The following STIM1 variants were observed in gnomAD, a reference collection of about 807,000 sequenced individuals.
STIM1 encodes the protein stromal interaction molecule 1.
In STIM1, 25 loss-of-function variants were observed where a neutral mutation model predicts 74.7. The observed-to-expected ratio is 0.33, with a 90% CI of 0.24 to 0.47. The LOEUF (loss-of-function observed/expected upper bound fraction) is 0.47. Among genes scored for constraint, STIM1 ranks in the 20% least tolerant of loss-of-function variants. STIM1 has a pLI of 1.00. For missense variants in STIM1, 728 were observed against 920.8 expected (o/e 0.79, Z 2.71); for synonymous variants, 328 against 348.8 (o/e 0.94, Z 0.66).
At chr11:3,970,494 G>T (rs187148151) in intron 2 of STIM1, among the ~76,000 whole-genome samples, 80 of 152,002 alleles carry the variant, frequency 5.3e-4, no homozygotes, top group African/African-American at 1.9e-3. Flanking sequence ...TGTAATGGAT[G>T]GTGGGGTACC....
intron 1 of STIM1, among the ~76,000 whole-genome samples, chr11:3,862,355 G>A (rs1358119230): frequency 1.3e-5 from 2 of 152,146 alleles, no homozygotes; most frequent in Admixed American, 6.6e-5. Flanking sequence ...ATGGACAGGT[G>A]TACTATGGAG....
chr11:3,972,787 T>C (rs2093409148), intron 2 of STIM1: 1 of 452,064 alleles, frequency 2.2e-6, no homozygotes, highest in Non-Finnish European at 4.4e-6. Context: ...CTGCTAAGTA[T>C]TTTTCTGGCA....
chr11:4,063,503 T>C (rs2094345541), intron 5 of STIM1, among the ~76,000 whole-genome samples: 3 of 152,250 alleles, frequency 2.0e-5, no homozygotes. Context: ...ACGCACACTG[T>C]ATTTTTAGAC....
intron 2 of STIM1, among the ~76,000 whole-genome samples, chr11:3,997,820 G>T (rs1222360159): frequency 6.6e-6 from 1 of 152,202 alleles, no homozygotes; most frequent in East Asian, 1.9e-4. Context: ...AAGTTGTAAA[G>T]TTTTGATTTT....
At chr11:4,086,877 C>A (rs1461052406) in intron 12 of STIM1, 5 of 1,523,408 alleles carry the variant, frequency 3.3e-6, no homozygotes, top group Non-Finnish European at 4.4e-6. Flanking sequence ...AGCTGTCTCT[C>A]TTTTCTTTCT....
At chr11:3,973,173 C>G in intron 2 of STIM1, 2 of 424,966 alleles carry the variant, frequency 4.7e-6, no homozygotes, top group South Asian at 3.6e-5. Flanking sequence ...TTATAGCCAT[C>G]CCTGTTGCTA....
intron 2 of STIM1, among the ~76,000 whole-genome samples, chr11:3,976,167 T>C (rs2093446529): frequency 6.6e-6 from 1 of 152,062 alleles, no homozygotes; most frequent in South Asian, 2.1e-4. Context: ...TGAACACCTG[T>C]GGGGAAAAGC....
intron 1 of STIM1, among the ~76,000 whole-genome samples, chr11:3,874,580 C>T (rs1230121853): frequency 4.6e-5 from 7 of 152,356 alleles, no homozygotes; most frequent in Non-Finnish European, 1.0e-4. Flanking sequence ...ATTTCATGTC[C>T]TCTTATCCTT....
chr11:3,879,966 C>G (rs1251434159), intron 1 of STIM1, among the ~76,000 whole-genome samples: 3 of 152,136 alleles, frequency 2.0e-5, no homozygotes, highest in African/African-American at 7.2e-5. Context: ...TAATGTTGAA[C>G]TAAGAAGCAT....
At chr11:4,049,704 C>G (rs528734423) in intron 3 of STIM1, 123 of 144,282 alleles carry the variant, frequency 8.5e-4, no homozygotes, top group Non-Finnish European at 1.2e-3. Context: ...TATACACAAC[C>G]CCCCTGCCCA....
intron 1 of STIM1, among the ~76,000 whole-genome samples, chr11:3,898,879 C>CT (rs1236943323): frequency 1.3e-5 from 2 of 151,512 alleles, no homozygotes; most frequent in African/African-American, 4.9e-5. Context: ...ATCTATATCT[C>CT]TGTTTTGGTA....
At chr11:4,086,730 C>T (rs751127208) in intron 12 of STIM1, 187 bp downstream of exon 12, 130 of 1,537,772 alleles carry the variant, frequency 8.5e-5, no homozygotes, top group Non-Finnish European at 1.1e-4. Context: ...CCACCACCAC[C>T]TTCACCACCG....
chr11:4,027,714 T>G (rs2094009509), intron 3 of STIM1, among the ~76,000 whole-genome samples: 1 of 152,138 alleles, frequency 6.6e-6, no homozygotes, highest in African/African-American at 2.4e-5. Context: ...AAGAGAAGAA[T>G]CAGATTGGCG....
intron 1 of STIM1, among the ~76,000 whole-genome samples, chr11:3,878,880 C>T (rs1339694007): frequency 2.6e-5 from 4 of 152,284 alleles, no homozygotes; most frequent in South Asian, 4.1e-4. Flanking sequence ...TTGGCCTTAT[C>T]GTGCCTACCC....
At chr11:4,020,355 A>T (rs2093944393) in intron 2 of STIM1, among the ~76,000 whole-genome samples, 1 of 152,018 alleles carries the variant, frequency 6.6e-6, no homozygotes, top group African/African-American at 2.4e-5. Flanking sequence ...TCTATTTTTC[A>T]TGTTTTGAGG....
chr11:3,907,650 A>G (rs2092487994), intron 1 of STIM1, among the ~76,000 whole-genome samples: 1 of 152,186 alleles, frequency 6.6e-6, no homozygotes, highest in African/African-American at 2.4e-5. Context: ...TCCAAATTAT[A>G]TAACTCTTCT....
chr11:3,905,358 C>T (rs1457756540), intron 1 of STIM1, among the ~76,000 whole-genome samples: 2 of 149,758 alleles, frequency 1.3e-5, no homozygotes, highest in African/African-American at 4.9e-5. Flanking sequence ...GCAGAGGAGG[C>T]AGGTTCAAAG....
At chr11:4,060,432 A>ATG (rs1331403414) in intron 5 of STIM1, among the ~76,000 whole-genome samples, 1 of 152,202 alleles carries the variant, frequency 6.6e-6, no homozygotes, top group Non-Finnish European at 1.5e-5. Context: ...GGCTTGGCTA[A>ATG]TGTGCAAGTT....
chr11:3,980,622 A>C (rs898313127), intron 2 of STIM1, among the ~76,000 whole-genome samples: 14 of 151,876 alleles, frequency 9.2e-5, no homozygotes, highest in African/African-American at 3.4e-4. Flanking sequence ...AAAAAAAAAA[A>C]AAAAAACCCA....
Sources: allele counts gnomAD v4.1 joint callset (sites outside exome capture counted in the v4.1 genomes callset), GRCh38; gene constraint gnomAD v4.1.1; transcripts MANE v1.5; gene names NCBI Gene and HGNC (gene_info 2026-07-23, HGNC 2026-07-21).